VTI1A: variants seen among roughly 807,000 people sequenced by gnomAD.
VTI1A encodes vesicle transport through interaction with t-SNAREs 1A.
In VTI1A, 22 loss-of-function variants were observed where a neutral mutation model predicts 34.9. The observed-to-expected ratio is 0.63, with a 90% CI of 0.45 to 0.90. VTI1A has a LOEUF of 0.90. Ranked by LOEUF, VTI1A falls within the 40% of genes least tolerant of loss-of-function variation. The pLI is 0.00. For missense variants in VTI1A, 268 were observed against 275.6 expected (o/e 0.97, Z 0.20); for synonymous variants, 87 against 97.3 (o/e 0.89, Z 0.62).
At chr10:112,611,312 CCATTGTTTTT>C (rs1845300173) in intron 5 of VTI1A, among the ~76,000 whole-genome samples, 1 of 152,122 alleles carries the variant, frequency 6.6e-6, no homozygotes, top group African/African-American at 2.4e-5. Flanking sequence ...CTTTTTATTG[CCATTGTTTTT>C]CATTGTTTTC....
chr10:112,830,258 G>A, the VTI1A span, among the ~76,000 whole-genome samples: 3 of 151,908 alleles, frequency 2.0e-5, no homozygotes, highest in Non-Finnish European at 4.4e-5. Context: ...CCCATGGCCC[G>A]TCCAGCCTTG....
At chr10:112,582,500 G>C (rs1161947593) in intron 5 of VTI1A, among the ~76,000 whole-genome samples, 1 of 152,132 alleles carries the variant, frequency 6.6e-6, no homozygotes, top group Non-Finnish European at 1.5e-5. Context: ...CATCTTGCTT[G>C]TGAGCCCTTC....
the VTI1A span, among the ~76,000 whole-genome samples, chr10:112,838,836 G>C: frequency 6.6e-6 from 1 of 152,232 alleles, no homozygotes; most frequent in Non-Finnish European, 1.5e-5. Flanking sequence ...GGGGGCTTCA[G>C]ACAAGTTCCT....
chr10:112,854,593 A>G, the VTI1A span, among the ~76,000 whole-genome samples: 1 of 152,084 alleles, frequency 6.6e-6, no homozygotes, highest in East Asian at 1.9e-4. Context: ...CGACCGTCTC[A>G]TTTCCCCTCT....
At chr10:112,788,169 T>C (rs1310688691) in intron 7 of VTI1A, among the ~76,000 whole-genome samples, 1 of 152,114 alleles carries the variant, frequency 6.6e-6, no homozygotes, top group African/African-American at 2.4e-5. Context: ...TTGATTTCTA[T>C]ATCTAGTCTA....
chr10:112,605,704 A>T (rs1845052127), intron 5 of VTI1A, among the ~76,000 whole-genome samples: 2 of 152,184 alleles, frequency 1.3e-5, no homozygotes, highest in Non-Finnish European at 2.9e-5. Flanking sequence ...CTGTGCTTGC[A>T]GCTCCATGTC....
chr10:112,572,605 G>C (rs1485390949), intron 5 of VTI1A, among the ~76,000 whole-genome samples: 1 of 152,178 alleles, frequency 6.6e-6, no homozygotes, highest in African/African-American at 2.4e-5. Flanking sequence ...TTGGGAGGCT[G>C]AGGCGGGCGG....
rs541819247 is a variant in VTI1A at position 112,754,309 on chromosome 10, T to TC, written c.561-60974dup. On this transcript the variant is annotated intron_variant, in intron 7 of 7. Coordinates refer to ENST00000393077, the MANE Select transcript of VTI1A (RefSeq NM_145206.4). ...CCTCAGGCCGCCCCGCTCATTAAAATCCCCCCCTTTCGATTCAGACTCCCT... is the reference window on the plus strand; with the variant it reads ...CCTCAGGCCGCCCCGCTCATTAAAATCCCCCCCCTTTCGATTCAGACTCCCT... 7.2e-3 allele frequency among the ~76,000 whole-genome samples: 1,100 copies of TC among 151,854 alleles called. 17 individuals carry two copies. Among genetic ancestry groups the TC allele is most frequent in the African/African-American group, 0.025 (1,050 of 41,406 alleles).
At chr10:112,493,216 C>T (rs1848896976) in intron 3 of VTI1A, among the ~76,000 whole-genome samples, 1 of 152,036 alleles carries the variant, frequency 6.6e-6, no homozygotes, top group South Asian at 2.1e-4. Context: ...AATATTTTCT[C>T]TTTAATTGTG....
At chr10:112,515,470 T>C (rs1027756227) in intron 3 of VTI1A, among the ~76,000 whole-genome samples, 13 of 152,012 alleles carry the variant, frequency 8.6e-5, no homozygotes, top group Admixed American at 2.6e-4. Flanking sequence ...CCAGATAGCC[T>C]GAGATATAGT....
intron 7 of VTI1A, among the ~76,000 whole-genome samples, chr10:112,692,012 AT>A (rs977817513): frequency 3.3e-5 from 5 of 152,358 alleles, no homozygotes; most frequent in Admixed American, 2.0e-4. Flanking sequence ...AGTTATGCTA[AT>A]TAAGAGTAAT....
intron 1 of VTI1A, 122 bp from the exon 2 acceptor site, chr10:112,460,402 T>C (rs1847692453): frequency 1.2e-6 from 1 of 830,388 alleles, no homozygotes; most frequent in African/African-American, 1.8e-5. Flanking sequence ...TGATATGCTC[T>C]TTTGCCTTAT....
intron 5 of VTI1A, among the ~76,000 whole-genome samples, chr10:112,586,022 C>T (rs1258395906): frequency 1.3e-5 from 2 of 151,934 alleles, no homozygotes; most frequent in Non-Finnish European, 2.9e-5. Context: ...CCTCTCAAAC[C>T]ACATAATTAC....
chr10:112,653,802 T>G (rs533127381), intron 5 of VTI1A, among the ~76,000 whole-genome samples: 1 of 152,346 alleles, frequency 6.6e-6, no homozygotes, highest in Non-Finnish European at 1.5e-5. Flanking sequence ...CAGTCATTTT[T>G]TTGTCCCCCA....
At chr10:112,809,426 C>A (rs1434582163) in intron 7 of VTI1A, among the ~76,000 whole-genome samples, 1 of 152,184 alleles carries the variant, frequency 6.6e-6, no homozygotes, top group Non-Finnish European at 1.5e-5. Flanking sequence ...TATGCTCTCA[C>A]GGTTGCTAAT....
chr10:112,752,397 C>A (rs74729584), intron 7 of VTI1A: 1 of 985,272 alleles, frequency 1.0e-6, no homozygotes, highest in African/African-American at 1.7e-5. Context: ...TGAAGCAGAG[C>A]TGATATCTCT....
rs569549319 is a variant in VTI1A at position 112,574,606 on chromosome 10, C to A, written c.427+36276C>A. On this transcript the variant is annotated intron_variant, in intron 5 of 7. Transcript: ENST00000393077. ...TCTGAGCTTCTTTTTTTCTTATCTACAATAGTAGCTTAATAAGACCTTGCT... is the reference window on the plus strand; with the variant it reads ...TCTGAGCTTCTTTTTTTCTTATCTAAAATAGTAGCTTAATAAGACCTTGCT... 3.3e-5 allele frequency among the ~76,000 whole-genome samples: 5 copies of A among 152,278 alleles called. No homozygotes were observed. The East Asian group carries it at 9.6e-4, about 29-fold the overall frequency.
chr10:112,526,452 A>G (rs1850227946), intron 3 of VTI1A, among the ~76,000 whole-genome samples: 1 of 152,130 alleles, frequency 6.6e-6, no homozygotes, highest in Non-Finnish European at 1.5e-5. Flanking sequence ...ACACATGCAC[A>G]CACACACTTT....
At chr10:112,489,300 A>G (rs1170219244) in intron 3 of VTI1A, among the ~76,000 whole-genome samples, 5 of 152,314 alleles carry the variant, frequency 3.3e-5, no homozygotes, top group Admixed American at 2.0e-4. Context: ...GGAAGATACA[A>G]GGTACTCCCT....
Sources: gnomAD v4.1 joint callset for allele counts (sites outside exome capture counted in the v4.1 genomes callset) on GRCh38, gnomAD v4.1.1 for gene constraint, MANE v1.5 for transcripts, NCBI Gene and HGNC (gene_info 2026-07-23, HGNC 2026-07-21) for gene names.